The following ACYP2 variants were observed in gnomAD, a reference collection of about 807,000 sequenced individuals.
ACYP2 encodes acylphosphatase-2.
ACYP2 carries 12 observed loss-of-function variants against 11.2 expected under a neutral mutation model. The observed-to-expected ratio is 1.08, with a 90% confidence interval of 0.69 to 1.74. The LOEUF is 1.74. Among genes scored for constraint, ACYP2 ranks in the 40% most tolerant of loss-of-function variants. ACYP2 has a pLI of 0.00. For synonymous variants in ACYP2, 43 were observed against 32.2 expected (o/e 1.33, Z -1.13); for missense variants, 134 against 101.9 (o/e 1.31, Z -1.35).
At chr2:54,058,066 T>C (rs1002132581) in intron 4 of ACYP2, among the ~76,000 whole-genome samples, 3 of 152,188 alleles carry the variant, frequency 2.0e-5, no homozygotes, top group African/African-American at 7.2e-5. Flanking sequence ...CAAGTATTGG[T>C]CCCTGAGGGA....
At chr2:54,273,922 A>G (rs948703492) in intron 6 of ACYP2, among the ~76,000 whole-genome samples, 6 of 152,240 alleles carry the variant, frequency 3.9e-5, no homozygotes, top group Non-Finnish European at 7.3e-5. Context: ...AATTTGCACC[A>G]TGAACAAGTG....
At chr2:54,093,044 G>A (rs1303924957) in intron 4 of ACYP2, among the ~76,000 whole-genome samples, 1 of 152,144 alleles carries the variant, frequency 6.6e-6, no homozygotes, top group Non-Finnish European at 1.5e-5. Context: ...TTCTATTGTC[G>A]ACTGCACAGC....
At chr2:54,043,809 A>G (rs1467663687) in intron 2 of ACYP2, among the ~76,000 whole-genome samples, 2 of 152,188 alleles carry the variant, frequency 1.3e-5, no homozygotes, top group African/African-American at 4.8e-5. Flanking sequence ...GCAGCGATAC[A>G]TCAACCCCTG....
chr2:54,245,524 C>T (rs896930837), intron 6 of ACYP2, among the ~76,000 whole-genome samples: 5 of 151,894 alleles, frequency 3.3e-5, no homozygotes, highest in Non-Finnish European at 4.4e-5. Flanking sequence ...TTCTCTGCAT[C>T]GTTGTTTTTT....
chr2:54,242,256 G>A (rs1305653263), intron 6 of ACYP2, among the ~76,000 whole-genome samples: 1 of 152,160 alleles, frequency 6.6e-6, no homozygotes, highest in Non-Finnish European at 1.5e-5. Context: ...TCTATACAAC[G>A]TCAAACAAGA....
In ACYP2 at chr2:54,255,864, C is replaced by G. The variant is rs61738381; in HGVS notation, c.405-48824C>G. The stretch of plus-strand genomic sequence containing the variant: ...GCGAGGCAGAGGCCGCTTCTAGGCC[C>G]TCCGCGGGTGGTGGAGTCACTTCCT... On this transcript the variant is annotated intron_variant, in intron 6 of 6. Transcript: ENST00000607452. 1.5e-3 allele frequency: 2,382 copies of G among 1,614,036 alleles called. 30 individuals carry two copies. In the African/African-American group the frequency reaches 0.028, roughly 19 times the overall value.
Position 54,270,762 on chromosome 2 carries a change from G to A in ACYP2, c.405-33926G>A, listed in dbSNP as rs373711042. Reference sequence around the variant, plus strand: ...AATTAGTGTAATAACTTATACTTTAGGTTTTAGGATTTCCTGGGGAAATTC... The same window carrying A: ...AATTAGTGTAATAACTTATACTTTAAGTTTTAGGATTTCCTGGGGAAATTC... On this transcript the variant is annotated intron_variant, in intron 6 of 6. Transcript: ENST00000607452. Among the ~76,000 whole-genome samples, 7 of 152,126 alleles carry A rather than the reference G, an allele frequency of 4.6e-5. No individual in the cohort carries two copies. In the East Asian group the frequency reaches 1.2e-3, roughly 25 times the overall value.
At chr2:54,170,262 C>A (rs1683168266) in intron 6 of ACYP2, among the ~76,000 whole-genome samples, 1 of 152,124 alleles carries the variant, frequency 6.6e-6, no homozygotes, top group African/African-American at 2.4e-5. Context: ...AAGTGGTTCT[C>A]CTGCCTCAGC....
intron 4 of ACYP2, among the ~76,000 whole-genome samples, chr2:54,121,670 A>G (rs1230497306): frequency 2.0e-5 from 3 of 152,236 alleles, no homozygotes; most frequent in African/African-American, 7.2e-5. Context: ...GTCAAGAAAC[A>G]TAAATATGGT....
chr2:54,176,410 A>G (rs1299632200), intron 6 of ACYP2, among the ~76,000 whole-genome samples: 2 of 152,122 alleles, frequency 1.3e-5, no homozygotes, highest in Non-Finnish European at 2.9e-5. Flanking sequence ...AGAACGACCA[A>G]GTGTCTCTGA....
At chr2:54,012,644 A>G (rs1263415140) in intron 2 of ACYP2, among the ~76,000 whole-genome samples, 1 of 152,102 alleles carries the variant, frequency 6.6e-6, no homozygotes, top group Non-Finnish European at 1.5e-5. Flanking sequence ...TGACTCCTCT[A>G]TCCTCAGCTC....
At chr2:54,185,954 TTATAAA>T (rs1287543782) in intron 6 of ACYP2, among the ~76,000 whole-genome samples, 1 of 151,598 alleles carries the variant, frequency 6.6e-6, no homozygotes, top group East Asian at 1.9e-4. Flanking sequence ...AATATATGTA[TTATAAA>T]TATAATATTA....
At chr2:53,985,877 T>G (rs1387729765) in intron 2 of ACYP2, among the ~76,000 whole-genome samples, 1 of 152,208 alleles carries the variant, frequency 6.6e-6, no homozygotes, top group Non-Finnish European at 1.5e-5. Flanking sequence ...GGCTCATGCC[T>G]GTAATCCCAG....
intron 6 of ACYP2, among the ~76,000 whole-genome samples, chr2:54,231,950 T>G (rs946985003): frequency 2.6e-5 from 4 of 152,250 alleles, no homozygotes; most frequent in African/African-American, 9.6e-5. Flanking sequence ...TTTCTGACTT[T>G]CTACCATGAC....
chr2:53,994,688 C>G (rs1053158953), intron 2 of ACYP2, among the ~76,000 whole-genome samples: 1 of 152,076 alleles, frequency 6.6e-6, no homozygotes, highest in Non-Finnish European at 1.5e-5. Context: ...GATATCAGAC[C>G]TTCAACCAAA....
intron 6 of ACYP2, among the ~76,000 whole-genome samples, chr2:54,265,157 TAAAG>T: frequency 1.3e-5 from 2 of 152,280 alleles, no homozygotes; most frequent in South Asian, 4.2e-4. Context: ...TCACTGCTGA[TAAAG>T]ACATAGCTGA....
At chr2:54,071,649 G>A (rs1677049343) in intron 4 of ACYP2, among the ~76,000 whole-genome samples, 1 of 151,492 alleles carries the variant, frequency 6.6e-6, no homozygotes. Flanking sequence ...GACAAGACAG[G>A]GTTTCACCAT....
At chr2:54,061,460 T>G (rs1212408568) in intron 4 of ACYP2, among the ~76,000 whole-genome samples, 1 of 152,168 alleles carries the variant, frequency 6.6e-6, no homozygotes, top group Non-Finnish European at 1.5e-5. Context: ...GGAGTATGAC[T>G]CCTGAACAGA....
chr2:54,172,458 G>T (rs2103852182), intron 6 of ACYP2, among the ~76,000 whole-genome samples: 1 of 152,278 alleles, frequency 6.6e-6, no homozygotes, highest in South Asian at 2.1e-4. Context: ...CTGATGAAAT[G>T]TCAATCATGT....
Sources: allele counts gnomAD v4.1 joint callset (sites outside exome capture counted in the v4.1 genomes callset), GRCh38; gene constraint gnomAD v4.1.1; transcripts MANE v1.5; gene names NCBI Gene and HGNC (gene_info 2026-07-23, HGNC 2026-07-21).